Variants in CFAP57 observed in about 807,000 individuals in gnomAD.
CFAP57 encodes cilia and flagella associated protein 57, also known as cilia- and flagella-associated protein 57.
CFAP57 carries 116 observed loss-of-function variants against 146.8 expected under a neutral mutation model. The ratio of observed to expected loss-of-function variants is 0.79; its 90% confidence interval spans 0.68 to 0.92. The LOEUF (loss-of-function observed/expected upper bound fraction) is 0.92. CFAP57 is among the 40% of genes least tolerant of loss of function. The pLI, the probability that CFAP57 is intolerant of heterozygous loss-of-function variation, is 0.00. For missense variants in CFAP57, 1,377 were observed against 1,527.2 expected, an observed-to-expected ratio of 0.90 and a Z score of 1.64; for synonymous variants, 518 against 552.8, an observed-to-expected ratio of 0.94 and a Z score of 0.88.
At chr1:43,217,763 A>G (rs1183232439) in intron 12 of CFAP57, among the ~76,000 whole-genome samples, 3 of 151,932 alleles carry the variant, frequency 2.0e-5, no homozygotes, top group South Asian at 4.2e-4. Flanking sequence ...TCCTTCCTTA[A>G]TCTAGTCCGT....
At position 43,229,295 on chromosome 1, in the gene CFAP57, CAG is replaced by C. The variant is rs1199724313; in HGVS notation, c.3009+2170_3009+2171del. Among the ~76,000 whole-genome samples the C allele has an allele frequency of 1.3e-4, 19 of 148,982 alleles. 1 individual carries two copies. The highest frequency in any genetic ancestry group is 2.2e-4 in the South Asian group (1 of 4,560). On this transcript the variant is annotated intron_variant, in intron 18 of 22. Coordinates refer to ENST00000372492, the MANE Select transcript of CFAP57 (RefSeq NM_001378189.1). ...GACCATTCATCTTCTCTGGCAGTAA[CAG>C]GGGCCAACCGTGGCCTTGATGCTCA...
intron 5 of CFAP57, 52 bp from the exon 6 acceptor site, chr1:43,186,655 C>T (rs1361872232): frequency 1.9e-6 from 3 of 1,538,682 alleles, no homozygotes; most frequent in Non-Finnish European, 2.7e-6. Flanking sequence ...AAGCCTAAGG[C>T]CACAATGACA....
At chr1:43,179,645 T>C (rs1344234714) in intron 2 of CFAP57, among the ~76,000 whole-genome samples, 1 of 152,110 alleles carries the variant, frequency 6.6e-6, no homozygotes, top group African/African-American at 2.4e-5. Flanking sequence ...ATACTCCTAG[T>C]TTTAACTTTC....
chr1:43,179,026 G>C (rs683113), intron 2 of CFAP57, among the ~76,000 whole-genome samples: 2 of 152,008 alleles, frequency 1.3e-5, no homozygotes, highest in East Asian at 3.9e-4. Context: ...TGAGCAAACT[G>C]TCGCAAGGAC....
In CFAP57 at chr1:43,214,097, G is replaced by T. The variant is rs564946732; in HGVS notation, c.1930-1158G>T. Among the ~76,000 whole-genome samples, 7 of 151,764 alleles carry T rather than the reference G, an allele frequency of 4.6e-5. No homozygotes were observed. The South Asian group carries it at 1.5e-3, about 32-fold the overall frequency. On this transcript the variant is annotated intron_variant, in intron 11 of 22. Transcript: ENST00000372492. The stretch of plus-strand genomic sequence containing the variant: ...GATGAGGTTTCACCATGTTGTCCAG[G>T]CCGGTCTCAAACTCCTGACCTCAGG...
Position 43,187,513 on chromosome 1 carries a change from A to G in CFAP57, c.1122+654A>G, listed in dbSNP as rs12144765. On this transcript the variant is annotated intron_variant, in intron 6 of 22. Coordinates refer to ENST00000372492, the MANE Select transcript of CFAP57 (RefSeq NM_001378189.1). ...GTTATGATTCACATACAAATTGCCT[A>G]TTCAAAGTATACAATTCAGTGGTCT... is the stretch of plus-strand genomic sequence containing the variant. Among the ~76,000 whole-genome samples the G allele has an allele frequency of 8.0e-3, 1,221 of 152,088 alleles. 7 individuals are homozygous for G. Among genetic ancestry groups the G allele is most frequent in the South Asian group, 0.017 (80 of 4,816 alleles).
chr1:43,227,384 A>G (rs1557808298), intron 18 of CFAP57, among the ~76,000 whole-genome samples: 1 of 152,198 alleles, frequency 6.6e-6, no homozygotes, highest in Non-Finnish European at 1.5e-5. Flanking sequence ...CCCGTGCCTC[A>G]GTGTGCGGTG....
At chr1:43,232,476 T>G (rs1381627778) in intron 18 of CFAP57, 32 bp from the exon 19 acceptor site, 1 of 1,526,382 alleles carries the variant, frequency 6.6e-7, no homozygotes. Context: ...CTAACTTTCT[T>G]CTTCTTGACT....
intron 22 of CFAP57, among the ~76,000 whole-genome samples, chr1:43,244,936 A>G (rs927312426): frequency 2.6e-5 from 4 of 152,152 alleles, no homozygotes; most frequent in Non-Finnish European, 5.9e-5. Context: ...AAAAAACCTG[A>G]CATGCTTGAC....
At chr1:43,191,260 T>A (rs1643501918) in intron 6 of CFAP57, among the ~76,000 whole-genome samples, 1 of 152,198 alleles carries the variant, frequency 6.6e-6, no homozygotes, top group African/African-American at 2.4e-5. Context: ...TATTCCTTTA[T>A]GATCCTTTTT....
Position 43,209,900 on chromosome 1 carries a change from C to T in CFAP57, c.1913C>T (p.Ala638Val). The change falls in exon 11 of 23, where the codon GCC becomes GTC. Residue 638 changes from alanine (A) to valine (V), a missense_variant. Transcript: ENST00000372492. ...QKEFNEYQAH[A>V]GPITKMLLTF... ...GAATTCAATGAGTACCAGGCCCATG[C>T]CGGTCCTATCACCAAGGTGAGCAGG... 1 of 1,614,252 alleles carries T rather than the reference C, an allele frequency of 6.2e-7. No individual in the cohort carries two copies. Among genetic ancestry groups the T allele is most frequent in the South Asian group, 1.1e-5 (1 of 91,090 alleles).
rs1486580315 is a variant in CFAP57 at position 43,201,970 on chromosome 1, G to T, written c.1542+2467G>T. Among the ~76,000 whole-genome samples, 1 of 152,162 alleles carries T rather than the reference G, an allele frequency of 6.6e-6. No homozygotes were observed. The highest frequency in any genetic ancestry group is 1.5e-5 in the Non-Finnish European group (1 of 68,032). Reference sequence around the variant, plus strand: ...CTCCTCAGCTTCAGCAATATAATTAGTCTTCAAGTGACTGTGGAGATGCGG... The same window carrying T: ...CTCCTCAGCTTCAGCAATATAATTATTCTTCAAGTGACTGTGGAGATGCGG... On this transcript the variant is annotated intron_variant, in intron 9 of 22. Transcript: ENST00000372492. This position sits in a 1 kb window ranked among gnomAD's most constrained non-coding sequence, Gnocchi z 4.4.
chr1:43,240,287 A>G (rs1029845903), intron 21 of CFAP57, among the ~76,000 whole-genome samples: 2 of 152,176 alleles, frequency 1.3e-5, no homozygotes, highest in Non-Finnish European at 2.9e-5. Context: ...TTTGCCTCAC[A>G]TCGCTAAGCT....
At chr1:43,213,508 G>GC (rs1023980852) in intron 11 of CFAP57, among the ~76,000 whole-genome samples, 15 of 107,588 alleles carry the variant, frequency 1.4e-4, no homozygotes, top group Admixed American at 8.3e-4. Flanking sequence ...AAATATGGGG[G>GC]GGGCGGTGGA....
intron 8 of CFAP57, among the ~76,000 whole-genome samples, chr1:43,198,922 A>G (rs1326750611): frequency 4.7e-4 from 72 of 152,230 alleles, no homozygotes; most frequent in Non-Finnish European, 7.3e-5. Context: ...GTAATTGTGG[A>G]ATATTAACAA....
intron 6 of CFAP57, among the ~76,000 whole-genome samples, chr1:43,194,419 T>G (rs1308575385): frequency 1.3e-5 from 2 of 152,184 alleles, no homozygotes; most frequent in Non-Finnish European, 2.9e-5. Flanking sequence ...TGTGTCTGTT[T>G]GTGGAACTCT....
intron 22 of CFAP57, among the ~76,000 whole-genome samples, chr1:43,247,287 A>G (rs1364483972): frequency 6.6e-6 from 1 of 152,166 alleles, no homozygotes; most frequent in Non-Finnish European, 1.5e-5. Context: ...CACTCAGTCT[A>G]CCCTGGAGAC....
chr1:43,232,211 A>G, intron 18 of CFAP57: 1 of 614,236 alleles, frequency 1.6e-6, no homozygotes, highest in Non-Finnish European at 2.9e-6. Flanking sequence ...TTTATAAGGA[A>G]TTCAAGAAAA....
chr1:43,235,251 A>G (rs538676544), intron 21 of CFAP57, among the ~76,000 whole-genome samples: 1 of 152,108 alleles, frequency 6.6e-6, no homozygotes, highest in African/African-American at 2.4e-5. Flanking sequence ...GATCCTTCAT[A>G]GGCTGTTCAG....
Sources: allele counts gnomAD v4.1 joint callset (sites outside exome capture counted in the v4.1 genomes callset), GRCh38; gene constraint gnomAD v4.1.1; non-coding constraint Gnocchi (gnomAD v3.1); transcripts MANE v1.5; gene names NCBI Gene and HGNC (gene_info 2026-07-23, HGNC 2026-07-21).